Variants in MTA3 observed in about 807,000 individuals in gnomAD.
The protein encoded by MTA3 is metastasis associated 1 family member 3.
Under a neutral mutation model 83.5 loss-of-function variants are expected in MTA3, and 34 were observed. The observed-to-expected ratio is 0.41, with a 90% CI of 0.31 to 0.54. MTA3 has a LOEUF of 0.54. MTA3 is among the 20% of genes least tolerant of loss of function. The pLI, the probability that MTA3 is intolerant of heterozygous loss-of-function variation, is 0.33. For synonymous variants in MTA3, 303 were observed against 252.7 expected (o/e 1.20, Z -1.89); for missense variants, 761 against 726.4 (o/e 1.05, Z -0.55).
chr2:42,683,387 TA>T (rs2104440289), intron 9 of MTA3, among the ~76,000 whole-genome samples: 1 of 152,340 alleles, frequency 6.6e-6, no homozygotes, highest in African/African-American at 2.4e-5. Context: ...TGATTCTTCT[TA>T]ATGATGTAGA....
chr2:42,651,007 T>C (rs996756605), intron 6 of MTA3, among the ~76,000 whole-genome samples: 1 of 152,178 alleles, frequency 6.6e-6, no homozygotes, highest in African/African-American at 2.4e-5. Context: ...TGCAGCTTAC[T>C]AAACACCCAG....
chr2:42,697,729 ATAAT>A lies in MTA3; in HGVS notation c.967-44_967-41del, dbSNP rs143679952. Reference sequence around the variant, plus strand: ...ATTTTTAAGACAATGAACAGTAGTAATAATTAGGCATTGCATGTAAAATGTTTTA... The same window carrying A: ...ATTTTTAAGACAATGAACAGTAGTAATAGGCATTGCATGTAAAATGTTTTA... On this transcript the variant is annotated intron_variant, in intron 10 of 16. Coordinates refer to ENST00000405094, the MANE Select transcript of MTA3 (RefSeq NM_001330442.2). 7.2e-4 allele frequency: 899 copies of A among 1,253,586 alleles called. 3 individuals carry two copies. The African/African-American group carries it at 0.012, about 16-fold the overall frequency. The allele number at this position is 1,253,586 out of a possible 1,614,324, so 77.7% of individuals were successfully genotyped here.
At chr2:42,560,085 A>G (rs1018682943) in intron 2 of MTA3, among the ~76,000 whole-genome samples, 1 of 151,820 alleles carries the variant, frequency 6.6e-6, no homozygotes, top group Non-Finnish European at 1.5e-5. Flanking sequence ...ATTTTTTGAG[A>G]TGGAGTTTTG....
intron 8 of MTA3, among the ~76,000 whole-genome samples, chr2:42,662,241 T>G (rs566879503): frequency 6.6e-6 from 1 of 152,212 alleles, no homozygotes; most frequent in East Asian, 1.9e-4. Context: ...TTTTGCTGTG[T>G]TACTCATAAT....
intron 2 of MTA3, among the ~76,000 whole-genome samples, chr2:42,548,423 T>C (rs1046491867): frequency 6.6e-6 from 1 of 151,352 alleles, no homozygotes; most frequent in Admixed American, 6.6e-5. Flanking sequence ...CCGAAATTGC[T>C]CCACTGCACC....
At chr2:42,706,803 C>T (rs891807570) in intron 12 of MTA3, among the ~76,000 whole-genome samples, 3 of 152,208 alleles carry the variant, frequency 2.0e-5, no homozygotes, top group Non-Finnish European at 4.4e-5. Context: ...CTCAAGCATG[C>T]TGTGATGTCA....
intron 4 of MTA3, among the ~76,000 whole-genome samples, chr2:42,637,275 A>G (rs1687291426): frequency 6.6e-6 from 1 of 152,156 alleles, no homozygotes; most frequent in Admixed American, 6.5e-5. Flanking sequence ...GCCTGGAGTG[A>G]TCTTTGTGTT....
chr2:42,539,963 G>A (rs13385534), intron 2 of MTA3, among the ~76,000 whole-genome samples: 1 of 152,098 alleles, frequency 6.6e-6, no homozygotes, highest in Non-Finnish European at 1.5e-5. Context: ...TCCTGCTGTA[G>A]AATGGCTTCT....
chr2:42,725,703 C>G (rs897194485), intron 16 of MTA3, among the ~76,000 whole-genome samples: 2 of 152,218 alleles, frequency 1.3e-5, no homozygotes, highest in African/African-American at 4.8e-5. Flanking sequence ...GAGGCTGGTT[C>G]TGGTACAAGC....
At chr2:42,673,318 A>T (rs1000635687) in intron 8 of MTA3, among the ~76,000 whole-genome samples, 1 of 152,146 alleles carries the variant, frequency 6.6e-6, no homozygotes, top group Non-Finnish European at 1.5e-5. Context: ...AGTTTTTGTG[A>T]AATTGTAACT....
intron 3 of MTA3, among the ~76,000 whole-genome samples, chr2:42,582,559 G>C (rs558767636): frequency 6.4e-4 from 98 of 152,222 alleles, no homozygotes; most frequent in Non-Finnish European, 1.1e-3. Context: ...AGGCCAAGTT[G>C]GGAGGATTGC....
chr2:42,585,158 C>G (rs969032367), intron 3 of MTA3, among the ~76,000 whole-genome samples: 1 of 151,548 alleles, frequency 6.6e-6, no homozygotes, highest in African/African-American at 2.4e-5. Flanking sequence ...GCGCGATCTC[C>G]GGCTCACTGC....
At position 42,661,522 on chromosome 2, in the gene MTA3, A is replaced by G. The variant is rs923544731; in HGVS notation, c.702+1660A>G. Among the ~76,000 whole-genome samples the G allele has an allele frequency of 2.0e-5, 3 of 148,038 alleles. No homozygotes were observed. The Admixed American group carries it at 2.1e-4, about 10-fold the overall frequency. ...ACCCTGTCTCAAAAAAAAAAAAAAA[A>G]AAAAAAGAAAAAGATATTTATGTGA... On this transcript the variant is annotated intron_variant, in intron 8 of 16. Transcript: ENST00000405094.
intron 2 of MTA3, among the ~76,000 whole-genome samples, chr2:42,551,510 A>G (rs1677109638): frequency 6.6e-6 from 1 of 152,034 alleles, no homozygotes; most frequent in Non-Finnish European, 1.5e-5. Context: ...AGTATCTTCT[A>G]TCTGCCAGGT....
At position 42,609,743 on chromosome 2, in the gene MTA3, T is replaced by C. The variant is rs193276991; in HGVS notation, c.317+159T>C. 5.3e-5 allele frequency among the ~76,000 whole-genome samples: 8 copies of C among 152,314 alleles called. No individual in the cohort carries two copies. In the East Asian group the frequency reaches 1.4e-3, roughly 26 times the overall value. On this transcript the variant is annotated intron_variant, in intron 4 of 16. Transcript: ENST00000405094. ...TAGGTTGGAAATTTATAATGTGTAT[T>C]ACCATATTAAAGCCCCACAAAAGTT...
intron 12 of MTA3, among the ~76,000 whole-genome samples, chr2:42,707,596 A>G (rs1047820999): frequency 1.3e-5 from 2 of 152,290 alleles, no homozygotes; most frequent in Non-Finnish European, 2.9e-5. Flanking sequence ...TTCCAGAAAC[A>G]TACACAATAG....
At chr2:42,594,728 A>ATATATATATATATATATATATATTTTTTT in intron 3 of MTA3, among the ~76,000 whole-genome samples, 1 of 24,044 alleles carries the variant, frequency 4.2e-5, no homozygotes, top group Non-Finnish European at 6.5e-5. Context: ...ATATATATAT[A>ATATATATATATATATATATATATTTTTTT]TTTTTTTTTT....
At chr2:42,689,559 A>T (rs1263766226) in intron 9 of MTA3, among the ~76,000 whole-genome samples, 1 of 152,112 alleles carries the variant, frequency 6.6e-6, no homozygotes, top group Non-Finnish European at 1.5e-5. Flanking sequence ...TGTTTAATAG[A>T]TACAGGTCTT....
upstream of MTA3, among the ~76,000 whole-genome samples, chr2:42,567,462 C>T (rs776672586): frequency 6.6e-6 from 1 of 152,280 alleles, no homozygotes; most frequent in African/African-American, 2.4e-5. Context: ...CCGCACAGAC[C>T]TTAAACCCAG....
Sources: allele counts gnomAD v4.1 joint callset (sites outside exome capture counted in the v4.1 genomes callset), GRCh38; gene constraint gnomAD v4.1.1; transcripts MANE v1.5; gene names NCBI Gene and HGNC (gene_info 2026-07-23, HGNC 2026-07-21).